Variants in INO80 observed in about 807,000 individuals in gnomAD.
INO80 encodes INO80 complex ATPase subunit, also known as chromatin-remodeling ATPase INO80.
In INO80, 20 loss-of-function variants were observed where a neutral mutation model predicts 203.4. That is an observed-to-expected ratio of 0.10 (90% CI 0.07 to 0.14). The LOEUF (loss-of-function observed/expected upper bound fraction) is 0.14, where lower values mean the gene tolerates loss of function less well. Among genes scored for constraint, INO80 ranks in the 10% least tolerant of loss-of-function variants. The probability of loss-of-function intolerance (pLI) is 1.00; values close to 1 mark genes in which losing one functional copy is unlikely to be tolerated. For missense variants in INO80, 1,419 were observed against 1,914.4 expected (o/e 0.74, Z 4.83); for synonymous variants, 726 against 685.2 (o/e 1.06, Z -0.93).
intron 27 of INO80, among the ~76,000 whole-genome samples, chr15:41,011,249 C>T (rs2044129816): frequency 6.6e-6 from 1 of 152,204 alleles, no homozygotes; most frequent in Non-Finnish European, 1.5e-5. Context: ...CTTTGTGATG[C>T]TTTCCTCAAG....
chr15:41,087,429 G>T, intron 6 of INO80, 133 bp downstream of exon 6: 1 of 969,042 alleles, frequency 1.0e-6, no homozygotes, highest in Non-Finnish European at 1.5e-6. Flanking sequence ...CTACTAATTA[G>T]AAAGGAGAGT....
chr15:41,047,606 T>G, intron 22 of INO80, 105 bp from the exon 23 acceptor site: 2 of 747,248 alleles, frequency 2.7e-6, no homozygotes, highest in Non-Finnish European at 4.4e-6. Context: ...AAAACACTAT[T>G]CTAAAGGTTC....
intron 24 of INO80, among the ~76,000 whole-genome samples, chr15:41,041,597 C>G (rs569031078): frequency 2.0e-5 from 3 of 151,102 alleles, no homozygotes; most frequent in Non-Finnish European, 4.4e-5. Context: ...CACACCGCCA[C>G]GCCCAGCTAA....
rs978436165 is a variant in INO80, at chr15:41,096,204, C to T, written c.107G>A (p.Arg36Gln). ...ERALRLDHFL[R>Q]QTSAIFNRNI... ...CCTATTGAAGATAGCTGACGTTTGTCGCAGAAAATGGTCCAACCGGAGGGC... is the reference window on the plus strand; with the variant it reads ...CCTATTGAAGATAGCTGACGTTTGTTGCAGAAAATGGTCCAACCGGAGGGC... The change falls in exon 2 of 36, where the codon CGA (arginine) becomes CAA (glutamine). Residue 36 changes from arginine to glutamine, a missense_variant. By Grantham distance (43) the Arg-to-Gln change is conservative. Around this residue, in one of 9 missense-constraint regions of INO80, gnomAD observed 323 missense variants for 325.4 expected, o/e 0.99. Coordinates refer to ENST00000648947, the MANE Select transcript of INO80 (RefSeq NM_017553.3). 5 of 1,612,336 alleles carry T rather than the reference C, an allele frequency of 3.1e-6. No homozygotes were observed. The African/African-American group carries it at 4.0e-5, about 13-fold the overall frequency.
chr15:41,084,378 G>A (rs1200216892), intron 7 of INO80, among the ~76,000 whole-genome samples: 2 of 151,958 alleles, frequency 1.3e-5, no homozygotes, highest in Non-Finnish European at 2.9e-5. Flanking sequence ...TGGCCAACAT[G>A]GTGAAACCCC....
At chr15:41,000,706 CAAAAAAAAAA>C (rs58232890) in intron 28 of INO80, among the ~76,000 whole-genome samples, 3 of 56,814 alleles carry the variant, frequency 5.3e-5, no homozygotes, top group Non-Finnish European at 7.0e-5. Context: ...CACCCTGTCT[CAAAAAAAAAA>C]AAAAAAAAAA....
In INO80 at chr15:41,069,643, A is replaced by G; in HGVS notation, c.1709T>C (p.Phe570Ser). Residue 570 changes from phenylalanine (F) to serine (S), a missense_variant, in exon 14 of 36, where the codon TTC becomes TCC. By Grantham distance (155) the Phe-to-Ser change is radical. Coordinates refer to ENST00000648947, the MANE Select transcript of INO80 (RefSeq NM_017553.3). Reference protein sequence around the residue: ...LAERENIWGPFLIISPASTLN... With the variant: ...LAERENIWGPSLIISPASTLN... Reference sequence around the variant, plus strand: ...TGTAGACGCAGGTGAAATTATTAAGAAAGGTCCCCAAATGTTCTCTCTCTG... The same window carrying G: ...TGTAGACGCAGGTGAAATTATTAAGGAAGGTCCCCAAATGTTCTCTCTCTG... 6.2e-7 allele frequency: 1 copy of G among 1,609,208 alleles called. No homozygotes were observed.
At chr15:41,091,489 C>A (rs1238403606) in intron 5 of INO80, among the ~76,000 whole-genome samples, 2 of 152,022 alleles carry the variant, frequency 1.3e-5, no homozygotes, top group Non-Finnish European at 2.9e-5. Context: ...GCCCAGCAAG[C>A]ATTAGCTGTT....
rs11476914 is a variant in INO80 at position 41,066,831 on chromosome 15, G to GA, written c.1782+2738dup. On this transcript the variant is annotated intron_variant, in intron 14 of 35. Coordinates refer to ENST00000648947, the MANE Select transcript of INO80 (RefSeq NM_017553.3). ...AGACAGAAGGAGAAAATGTCTCTAA[G>GA]AAAAAAAAAAAAAGCAAAAAAAAAA... 5.0e-3 allele frequency among the ~76,000 whole-genome samples: 425 copies of GA among 85,726 alleles called. 2 individuals are homozygous for GA. The highest frequency in any genetic ancestry group is 7.7e-3 in the Non-Finnish European group (338 of 43,842). The allele number at this position is 85,726 out of a possible 152,430, so 56.2% of individuals were successfully genotyped here. A position where few individuals can be genotyped will look rare whatever the true frequency, so the allele number is the denominator to read the frequency against.
intron 29 of INO80, among the ~76,000 whole-genome samples, chr15:40,992,592 A>C (rs777823703): frequency 6.6e-6 from 1 of 152,250 alleles, no homozygotes; most frequent in Non-Finnish European, 1.5e-5. Context: ...AGGGCAAAGG[A>C]AAAATGCCAG....
intron 4 of INO80, among the ~76,000 whole-genome samples, chr15:41,094,643 T>C (rs1003417692): frequency 6.6e-6 from 1 of 152,204 alleles, no homozygotes; most frequent in Non-Finnish European, 1.5e-5. Context: ...ATGGAATTAA[T>C]ATAAATTATG....
chr15:41,108,733 G>A (rs2140707010), intron 1 of INO80: 1 of 152,228 alleles, frequency 6.6e-6, no homozygotes, highest in Middle Eastern at 3.4e-3. Context: ...TAAACATTAT[G>A]TATCAGGAAT....
intron 1 of INO80, among the ~76,000 whole-genome samples, chr15:41,106,135 T>C (rs1309256298): frequency 6.6e-6 from 1 of 151,988 alleles, no homozygotes; most frequent in African/African-American, 2.4e-5. Flanking sequence ...GACTCATGCC[T>C]GTAATGCCAG....
At chr15:41,083,678 T>C (rs992626328) in intron 7 of INO80, among the ~76,000 whole-genome samples, 3 of 131,156 alleles carry the variant, frequency 2.3e-5, no homozygotes, top group African/African-American at 9.2e-5. Context: ...CACACACCTG[T>C]ACTCCAGCCA....
chr15:41,045,775 C>T (rs549319056), intron 23 of INO80, among the ~76,000 whole-genome samples: 19 of 151,732 alleles, frequency 1.3e-4, no homozygotes. Flanking sequence ...GTTGTGCACG[C>T]CTGTAATCCC....
At chr15:41,024,053 T>C (rs527578815) in intron 25 of INO80, among the ~76,000 whole-genome samples, 3 of 152,260 alleles carry the variant, frequency 2.0e-5, no homozygotes, top group Admixed American at 6.5e-5. Flanking sequence ...GGCACTCTTA[T>C]AGTTTAAAAA....
At chr15:41,020,179 C>T (rs957597286) in intron 26 of INO80, among the ~76,000 whole-genome samples, 2 of 152,052 alleles carry the variant, frequency 1.3e-5, no homozygotes, top group Non-Finnish European at 2.9e-5. Context: ...CGAGATCACG[C>T]CACTGCACTC....
At chr15:41,007,182 C>CAT (rs1318410436) in intron 27 of INO80, among the ~76,000 whole-genome samples, 1 of 119,312 alleles carries the variant, frequency 8.4e-6, no homozygotes. Flanking sequence ...TTTTTTTTTT[C>CAT]TTTTTTTTTT....
chr15:41,031,033 T>G (rs1179314145), intron 24 of INO80, among the ~76,000 whole-genome samples: 2 of 152,198 alleles, frequency 1.3e-5, no homozygotes, highest in African/African-American at 4.8e-5. Context: ...TAAGTCAAGG[T>G]GATGTATAGC....
Sources: allele counts gnomAD v4.1 joint callset (sites outside exome capture counted in the v4.1 genomes callset), GRCh38; gene constraint gnomAD v4.1.1; regional missense constraint gnomAD v4.1.1; transcripts MANE v1.5; gene names NCBI Gene and HGNC (gene_info 2026-07-23, HGNC 2026-07-21).